Variants in IGSF21 observed in about 807,000 individuals in gnomAD.
The protein encoded by IGSF21 is immunoglobulin superfamily member 21.
Under a neutral mutation model 46.8 loss-of-function variants are expected in IGSF21, and 28 were observed. The ratio of observed to expected loss-of-function variants is 0.60; its 90% confidence interval spans 0.44 to 0.82. The LOEUF is 0.82. Ranked by LOEUF, IGSF21 falls within the 40% of genes least tolerant of loss-of-function variation. IGSF21 has a pLI of 0.00. For synonymous variants in IGSF21, 284 were observed against 273.6 expected (o/e 1.04, Z -0.38); for missense variants, 624 against 665.5 (o/e 0.94, Z 0.69).
chr1:18,197,762 A>G (rs1277407808), intron 1 of IGSF21, among the ~76,000 whole-genome samples: 1 of 152,232 alleles, frequency 6.6e-6, no homozygotes, highest in African/African-American at 2.4e-5. Flanking sequence ...TCATCTATCA[A>G]CTGGGGAAAT....
rs1360969902 is a variant in IGSF21 at position 18,322,887 on chromosome 1, G to C, written c.306-12005G>C. 1.3e-5 allele frequency among the ~76,000 whole-genome samples: 2 copies of C among 152,184 alleles called. No individual in the cohort carries two copies. The highest frequency in any genetic ancestry group is 4.8e-5 in the African/African-American group (2 of 41,448). On this transcript the variant is annotated intron_variant, in intron 3 of 9. Coordinates refer to ENST00000251296, the MANE Select transcript of IGSF21 (RefSeq NM_032880.5). The surrounding 1 kb of genome is among the most constrained non-coding windows in gnomAD (Gnocchi z 4.3). Reference sequence around the variant, plus strand: ...CGGGAGATGTCGGAATGGGTGAAGGGGAGCGGGAAGCGATGGGCCAGGAAG... The same window carrying C: ...CGGGAGATGTCGGAATGGGTGAAGGCGAGCGGGAAGCGATGGGCCAGGAAG...
intron 1 of IGSF21, among the ~76,000 whole-genome samples, chr1:18,160,744 G>A (rs556444617): frequency 6.6e-6 from 1 of 152,276 alleles, no homozygotes; most frequent in South Asian, 2.1e-4. Flanking sequence ...CAGCTTCCTT[G>A]TTCTATCTGG....
intron 2 of IGSF21, among the ~76,000 whole-genome samples, chr1:18,246,953 C>T (rs371697743): frequency 8.5e-5 from 13 of 152,114 alleles, no homozygotes; most frequent in East Asian, 3.9e-4. Context: ...CATGCACCAC[C>T]GGAAGGAGGA....
chr1:18,192,129 G>T (rs9727963), intron 1 of IGSF21, among the ~76,000 whole-genome samples: 2,766 of 152,284 alleles, frequency 0.018, 88 homozygotes, highest in African/African-American at 0.063. Context: ...GACTCTTGGC[G>T]CTGCATTTAC....
intron 2 of IGSF21, among the ~76,000 whole-genome samples, chr1:18,285,350 A>G (rs1037535590): frequency 4.6e-5 from 7 of 152,102 alleles, no homozygotes; most frequent in African/African-American, 7.2e-5. Context: ...TGATGACTCT[A>G]CTTGAAAAGC....
intron 2 of IGSF21, among the ~76,000 whole-genome samples, chr1:18,236,805 C>A (rs1304107746): frequency 6.6e-6 from 1 of 152,202 alleles, no homozygotes; most frequent in Non-Finnish European, 1.5e-5. Context: ...CTAGCTGTGT[C>A]TCACACTCCA....
At chr1:18,113,474 G>T (rs1156308606) in intron 1 of IGSF21, 1 of 152,138 alleles carries the variant, frequency 6.6e-6, no homozygotes. Flanking sequence ...TGGGGGTGGG[G>T]TTTTTCTGAG....
intron 1 of IGSF21, among the ~76,000 whole-genome samples, chr1:18,122,972 A>C (rs2086248238): frequency 6.6e-6 from 1 of 152,102 alleles, no homozygotes; most frequent in Non-Finnish European, 1.5e-5. Context: ...GAGTATTTGA[A>C]ATTTTTGAGA....
In IGSF21 at chr1:18,376,401, C is replaced by T. The variant is rs2124640944; in HGVS notation, c.1101+6C>T. On this transcript the variant is annotated splice_donor_region_variant and intron_variant, in intron 7 of 9. Coordinates refer to ENST00000251296, the MANE Select transcript of IGSF21 (RefSeq NM_032880.5). Reference sequence around the variant, plus strand: ...TTCTGGTCCATGGGTTTCAGGTCAGCCTCTCTCTGAGCATCTGGGAGGGTG... The same window carrying T: ...TTCTGGTCCATGGGTTTCAGGTCAGTCTCTCTCTGAGCATCTGGGAGGGTG... 6.2e-7 allele frequency: 1 copy of T among 1,608,236 alleles called. No individual in the cohort carries two copies. Among genetic ancestry groups the T allele is most frequent in the East Asian group, 2.2e-5 (1 of 44,832 alleles).
Position 18,111,566 on chromosome 1 carries a change from AC to A in IGSF21, c.70+3369del, listed in dbSNP as rs2086145544. ...GGCCCACATCGAGCGCTCCTTCCAC[AC>A]AAGTCTTTCACAACCTCAAGACTGC... On this transcript the variant is annotated intron_variant, in intron 1 of 9. Transcript: ENST00000251296. The A allele has an allele frequency of 5.3e-5, 8 of 152,304 alleles. No homozygotes were observed. In the South Asian group the frequency reaches 1.7e-3, roughly 32 times the overall value. The allele number at this position is 152,304 out of a possible 1,614,324, so 9.4% of individuals were successfully genotyped here.
At chr1:18,258,070 C>A (rs548967911) in intron 2 of IGSF21, among the ~76,000 whole-genome samples, 1 of 152,322 alleles carries the variant, frequency 6.6e-6, no homozygotes, top group Admixed American at 6.5e-5. Context: ...CAGGAGGTAG[C>A]AGCCTCTGTT....
chr1:18,236,439 G>A (rs2084673484), intron 2 of IGSF21, among the ~76,000 whole-genome samples: 1 of 152,192 alleles, frequency 6.6e-6, no homozygotes, highest in Admixed American at 6.5e-5. Context: ...TTTATTAGCA[G>A]TGTAAGAACA....
intron 3 of IGSF21, among the ~76,000 whole-genome samples, chr1:18,312,048 C>A (rs528359883): frequency 7.1e-4 from 108 of 152,282 alleles, no homozygotes; most frequent in African/African-American, 2.4e-3. Context: ...ACCAGGTTCA[C>A]CTTCCTTCTG....
chr1:18,320,097 G>T (rs555843386), intron 3 of IGSF21, among the ~76,000 whole-genome samples: 51 of 152,302 alleles, frequency 3.3e-4, no homozygotes, highest in African/African-American at 1.2e-3. Flanking sequence ...AGACAGAACC[G>T]GAAGCAAGAT....
rs2086562027 is a variant in IGSF21 at position 18,155,651 on chromosome 1, A to G, written c.70+47453A>G. On this transcript the variant is annotated intron_variant, in intron 1 of 9. Coordinates refer to ENST00000251296, the MANE Select transcript of IGSF21 (RefSeq NM_032880.5). The stretch of plus-strand genomic sequence containing the variant: ...CTCAGCCCCTCAACCAAGTCATAGG[A>G]CATAGAGACCATCTTGGCAAGCCTG... 3.3e-5 allele frequency among the ~76,000 whole-genome samples: 5 copies of G among 152,220 alleles called. No individual in the cohort carries two copies. In the South Asian group the frequency reaches 1.0e-3, roughly 32 times the overall value.
At chr1:18,195,731 C>T (rs2087000241) in intron 1 of IGSF21, among the ~76,000 whole-genome samples, 1 of 152,222 alleles carries the variant, frequency 6.6e-6, no homozygotes, top group Non-Finnish European at 1.5e-5. Flanking sequence ...TGCGGATTCA[C>T]TGATTCCACA....
intron 1 of IGSF21, among the ~76,000 whole-genome samples, chr1:18,190,419 C>G (rs1457340523): frequency 6.6e-6 from 1 of 152,254 alleles, no homozygotes; most frequent in Non-Finnish European, 1.5e-5. Flanking sequence ...TGGAGGCAAG[C>G]ATGCCAGTGT....
intron 4 of IGSF21, among the ~76,000 whole-genome samples, chr1:18,361,141 A>G (rs2086095994): frequency 1.3e-5 from 2 of 152,282 alleles, no homozygotes; most frequent in Middle Eastern, 6.8e-3. Context: ...CCCCCATCCA[A>G]GTGTACGGTA....
chr1:18,366,794 T>G (rs2086169507), intron 6 of IGSF21, among the ~76,000 whole-genome samples: 3 of 152,022 alleles, frequency 2.0e-5, no homozygotes, highest in Admixed American at 2.0e-4. Flanking sequence ...GATCTGCACC[T>G]CTCCCCACAG....
Sources: gnomAD v4.1 joint callset for allele counts (sites outside exome capture counted in the v4.1 genomes callset) on GRCh38, gnomAD v4.1.1 for gene constraint, Gnocchi (gnomAD v3.1) non-coding constraint, MANE v1.5 for transcripts, NCBI Gene and HGNC (gene_info 2026-07-23, HGNC 2026-07-21) for gene names.